The following STPG4 variants were observed in gnomAD, a reference collection of about 807,000 sequenced individuals.
STPG4 encodes the protein sperm-tail PG-rich repeat containing 4, also known as protein STPG4.
In STPG4, 41 loss-of-function variants were observed where a neutral mutation model predicts 31.5. The ratio of observed to expected loss-of-function variants is 1.30; its 90% confidence interval spans 1.01 to 1.69. The LOEUF (loss-of-function observed/expected upper bound fraction) is 1.69. Among genes scored for constraint, STPG4 ranks in the 40% most tolerant of loss-of-function variants. The probability of loss-of-function intolerance (pLI) is 0.00; values close to 1 mark genes in which losing one functional copy is unlikely to be tolerated. For missense variants in STPG4, 375 were observed against 293.4 expected, an observed-to-expected ratio of 1.28 and a Z score of -2.03; for synonymous variants, 141 against 103.0, an observed-to-expected ratio of 1.37 and a Z score of -2.24.
At chr2:47,103,198 A>T (rs933845532) in intron 5 of STPG4, among the ~76,000 whole-genome samples, 6 of 151,868 alleles carry the variant, frequency 4.0e-5, no homozygotes, top group African/African-American at 1.5e-4. Flanking sequence ...GGAGAACTAG[A>T]AAAAAGCCCA....
Position 47,132,685 on chromosome 2 carries a change from T to C in STPG4, c.400-2425A>G, listed in dbSNP as rs544659573. ...ACTGGGCATTCCTGGGGGCCAGCAA[T>C]GTCCTATTTCCTGATTCTGATGACA... On this transcript the variant is annotated intron_variant, in intron 3 of 6. Coordinates refer to ENST00000445927, the MANE Select transcript of STPG4 (RefSeq NM_001163561.2). 1.4e-4 allele frequency among the ~76,000 whole-genome samples: 22 copies of C among 152,330 alleles called. 1 individual carries two copies. In the South Asian group the frequency reaches 4.3e-3, roughly 30 times the overall value.
At chr2:47,128,562 G>C (rs1200199538) in intron 5 of STPG4, among the ~76,000 whole-genome samples, 3 of 152,008 alleles carry the variant, frequency 2.0e-5, no homozygotes, top group Admixed American at 6.6e-5. Flanking sequence ...CAAGCAGAAA[G>C]AATCTCTCTA....
intron 5 of STPG4, among the ~76,000 whole-genome samples, chr2:47,116,375 C>T (rs1686153114): frequency 6.6e-6 from 1 of 152,198 alleles, no homozygotes; most frequent in Non-Finnish European, 1.5e-5. Context: ...TTCTCTGAAA[C>T]TATTCTATTT....
chr2:47,094,019 A>C (rs1392660511), intron 5 of STPG4, among the ~76,000 whole-genome samples: 4 of 152,190 alleles, frequency 2.6e-5, no homozygotes, highest in Admixed American at 2.0e-4. Flanking sequence ...GAGGGTGTTT[A>C]AAACAAGAGG....
At chr2:47,102,406 A>T (rs1048626255) in intron 5 of STPG4, among the ~76,000 whole-genome samples, 1 of 151,920 alleles carries the variant, frequency 6.6e-6, no homozygotes, top group Non-Finnish European at 1.5e-5. Context: ...TATTTTCTGC[A>T]CTACGGCTTG....
chr2:47,099,241 C>A (rs558993972), intron 5 of STPG4, among the ~76,000 whole-genome samples: 1 of 152,054 alleles, frequency 6.6e-6, no homozygotes, highest in African/African-American at 2.4e-5. Context: ...CTTAGGAGGC[C>A]GCAGGAGCAG....
At chr2:47,104,414 T>C (rs1472836853) in intron 5 of STPG4, among the ~76,000 whole-genome samples, 2 of 151,994 alleles carry the variant, frequency 1.3e-5, no homozygotes, top group Non-Finnish European at 2.9e-5. Flanking sequence ...CTTAGACTCA[T>C]TAATGAGGCA....
intron 5 of STPG4, among the ~76,000 whole-genome samples, chr2:47,100,529 T>G (rs1685772723): frequency 6.7e-6 from 1 of 148,590 alleles, no homozygotes; most frequent in Non-Finnish European, 1.5e-5. Flanking sequence ...TGGGGCCAGA[T>G]AAGAGAAAAA....
At chr2:47,143,488 A>ATT (rs770942066) in intron 3 of STPG4, among the ~76,000 whole-genome samples, 5 of 137,740 alleles carry the variant, frequency 3.6e-5, no homozygotes, top group Admixed American at 7.2e-5. Flanking sequence ...CCCTTTGCTC[A>ATT]TTTTTTTTTT....
chr2:47,138,738 C>G (rs138477288), intron 3 of STPG4, among the ~76,000 whole-genome samples: 1 of 152,236 alleles, frequency 6.6e-6, no homozygotes, highest in East Asian at 1.9e-4. Context: ...TTAGTAGAGA[C>G]GGGGTTTCAC....
chr2:47,102,280 G>T (rs1256612060), intron 5 of STPG4, among the ~76,000 whole-genome samples: 1 of 151,826 alleles, frequency 6.6e-6, no homozygotes, highest in East Asian at 1.9e-4. Flanking sequence ...CAAAACTGCG[G>T]GCGGTTTTGT....
chr2:47,137,764 GT>G (rs1686625434), intron 3 of STPG4, among the ~76,000 whole-genome samples: 1 of 152,054 alleles, frequency 6.6e-6, no homozygotes, highest in African/African-American at 2.4e-5. Flanking sequence ...TGGAAATAGG[GT>G]TATTCAGAAT....
chr2:47,090,367 C>T lies in STPG4; in HGVS notation c.527G>A (p.Gly176Asp). The T allele has an allele frequency of 6.5e-7, 1 of 1,549,116 alleles. No homozygotes were observed. The highest frequency in any genetic ancestry group is 8.7e-7 in the Non-Finnish European group (1 of 1,144,532). Residue 176 changes from glycine (G) to aspartate (D), a missense_variant, in exon 6 of 7, where the codon GGC becomes GAC. Transcript: ENST00000445927. ...FPTTYFIPHEGPGPGHYNVKM... is the reference protein window; with the variant it reads ...FPTTYFIPHEDPGPGHYNVKM... ...CACATTATAATGACCTGGACCAGGG[C>T]CTTCATGCTATTGAACATTTAAAAA...
chr2:47,095,058 G>T (rs1327453573), intron 5 of STPG4, among the ~76,000 whole-genome samples: 1 of 152,230 alleles, frequency 6.6e-6, no homozygotes, highest in African/African-American at 2.4e-5. Context: ...GAGAGTAGAT[G>T]AAACTGTCCC....
intron 5 of STPG4, among the ~76,000 whole-genome samples, chr2:47,095,793 G>C (rs1204556104): frequency 6.6e-6 from 1 of 152,158 alleles, no homozygotes; most frequent in East Asian, 1.9e-4. Flanking sequence ...CTGGCAGCTA[G>C]GTGTGGCTGC....
intron 5 of STPG4, among the ~76,000 whole-genome samples, chr2:47,124,628 G>A (rs112311696): frequency 0.024 from 3,727 of 152,206 alleles, 161 homozygotes; most frequent in African/African-American, 0.084. Context: ...TGGCTGTGTA[G>A]TACTTTGTTG....
At chr2:47,092,180 T>G (rs942257316) in intron 5 of STPG4, among the ~76,000 whole-genome samples, 2 of 135,168 alleles carry the variant, frequency 1.5e-5, no homozygotes, top group African/African-American at 5.5e-5. Context: ...CAAGTACTCC[T>G]AAAACAAGAA....
At chr2:47,148,799 C>T (rs755147651) in intron 3 of STPG4, among the ~76,000 whole-genome samples, 6 of 152,040 alleles carry the variant, frequency 3.9e-5, no homozygotes, top group Admixed American at 6.6e-5. Context: ...TTTGTCCTTG[C>T]GATAGTTTAC....
intron 6 of STPG4, 142 bp from the exon 7 acceptor site, chr2:47,087,272 T>C (rs1326765815): frequency 1.1e-6 from 1 of 897,614 alleles, no homozygotes; most frequent in Non-Finnish European, 1.7e-6. Flanking sequence ...GGCTGAAGCC[T>C]GGCAGACCCT....
Sources: allele counts gnomAD v4.1 joint callset (sites outside exome capture counted in the v4.1 genomes callset), GRCh38; gene constraint gnomAD v4.1.1; transcripts MANE v1.5; gene names NCBI Gene and HGNC (gene_info 2026-07-23, HGNC 2026-07-21).